Variants in PLCH1 observed in about 807,000 individuals in gnomAD.
The protein encoded by PLCH1 is 1-phosphatidylinositol 4,5-bisphosphate phosphodiesterase eta-1.
In PLCH1, 60 loss-of-function variants were observed where a neutral mutation model predicts 126.7. The ratio of observed to expected loss-of-function variants is 0.47; its 90% CI spans 0.38 to 0.59. PLCH1 has a LOEUF of 0.59. PLCH1 is among the 20% of genes least tolerant of loss of function. PLCH1 has a pLI of 0.00. For synonymous variants in PLCH1, 719 were observed against 734.9 expected, an observed-to-expected ratio of 0.98 and a Z score of 0.35; for missense variants, 1,723 against 2,040.0, an observed-to-expected ratio of 0.84 and a Z score of 2.99.
At chr3:155,663,832 T>A (rs1742442636) in intron 2 of PLCH1, among the ~76,000 whole-genome samples, 1 of 152,144 alleles carries the variant, frequency 6.6e-6, no homozygotes, top group African/African-American at 2.4e-5. Flanking sequence ...AATTTGCCAA[T>A]CATTAGAGGA....
intron 2 of PLCH1, among the ~76,000 whole-genome samples, chr3:155,672,957 G>C (rs143327494): frequency 6.7e-6 from 1 of 149,950 alleles, no homozygotes; most frequent in Non-Finnish European, 1.5e-5. Context: ...AGCCTCACCC[G>C]TTCCACCATC....
intron 8 of PLCH1, among the ~76,000 whole-genome samples, chr3:155,559,411 T>A (rs569705358): frequency 6.6e-6 from 1 of 152,260 alleles, no homozygotes; most frequent in East Asian, 1.9e-4. Flanking sequence ...TGACAACCAC[T>A]ATTTCCAATA....
intron 6 of PLCH1, among the ~76,000 whole-genome samples, chr3:155,574,358 T>A (rs964914241): frequency 6.6e-6 from 1 of 152,230 alleles, no homozygotes; most frequent in Non-Finnish European, 1.5e-5. Context: ...CCTCTTTTCC[T>A]CTTTTCAGGA....
rs558948092 is a variant in PLCH1, at chr3:155,644,891, C to T, written c.80-48513G>A. 3.3e-5 allele frequency among the ~76,000 whole-genome samples: 5 copies of T among 152,276 alleles called. No homozygotes were observed. In the South Asian group the frequency reaches 8.3e-4, roughly 25 times the overall value. On this transcript the variant is annotated intron_variant, in intron 2 of 22. Transcript: ENST00000460012. Reference sequence around the variant, plus strand: ...CAGTGACATTCAGCCAGTAGAACTCCTGTAAATGTTCCTGTCTGAATAAAG... The same window carrying T: ...CAGTGACATTCAGCCAGTAGAACTCTTGTAAATGTTCCTGTCTGAATAAAG...
chr3:155,567,439 G>A lies in PLCH1; in HGVS notation c.865+792C>T, dbSNP rs114663385. Among the ~76,000 whole-genome samples the A allele has an allele frequency of 5.6e-3, 850 of 152,158 alleles. 8 individuals are homozygous for A. Among genetic ancestry groups the A allele is most frequent in the African/African-American group, 0.019 (799 of 41,502 alleles). On this transcript the variant is annotated intron_variant, in intron 7 of 22. Transcript: ENST00000460012. Reference sequence around the variant, plus strand: ...TACCACCACAGGAAGTAAATAGATGGTATTAAACCCCCCTTGTTCACACTG... The same window carrying A: ...TACCACCACAGGAAGTAAATAGATGATATTAAACCCCCCTTGTTCACACTG...
intron 2 of PLCH1, among the ~76,000 whole-genome samples, chr3:155,600,079 T>C (rs1473969528): frequency 2.0e-5 from 3 of 152,206 alleles, no homozygotes; most frequent in Non-Finnish European, 4.4e-5. Context: ...TAGAGGTAAA[T>C]TGAAAAATCA....
At chr3:155,530,249 T>C (rs1361570665) in intron 10 of PLCH1, among the ~76,000 whole-genome samples, 2 of 152,188 alleles carry the variant, frequency 1.3e-5, no homozygotes, top group Non-Finnish European at 2.9e-5. Context: ...AAGAACCCAC[T>C]TGCTTTGCTT....
chr3:155,710,049 G>C (rs577901400), intron 1 of PLCH1, among the ~76,000 whole-genome samples: 1 of 152,132 alleles, frequency 6.6e-6, no homozygotes, highest in African/African-American at 2.4e-5. Context: ...GTGCACTAGT[G>C]CCATCTTGGC....
At chr3:155,567,975 T>C (rs936048789) in intron 7 of PLCH1, among the ~76,000 whole-genome samples, 38 of 152,324 alleles carry the variant, frequency 2.5e-4, no homozygotes, top group Non-Finnish European at 5.0e-4. Context: ...TGTCATGGCA[T>C]CCATCACACG....
At chr3:155,655,663 T>C (rs1046034107) in intron 2 of PLCH1, among the ~76,000 whole-genome samples, 2 of 151,942 alleles carry the variant, frequency 1.3e-5, no homozygotes. Flanking sequence ...ATATAAGTGA[T>C]AAAATAAACA....
chr3:155,532,243 A>C (rs1298612144), intron 10 of PLCH1, among the ~76,000 whole-genome samples: 1 of 152,222 alleles, frequency 6.6e-6, no homozygotes, highest in Non-Finnish European at 1.5e-5. Context: ...CGCATCGTGA[A>C]CTTGTGCTAC....
intron 1 of PLCH1, among the ~76,000 whole-genome samples, chr3:155,724,729 C>A (rs1379620070): frequency 6.6e-6 from 1 of 151,292 alleles, no homozygotes; most frequent in African/African-American, 2.4e-5. Flanking sequence ...AGCATTTAGG[C>A]CATTTACATT....
At chr3:155,676,737 C>A (rs1744124719) in intron 2 of PLCH1, among the ~76,000 whole-genome samples, 1 of 152,028 alleles carries the variant, frequency 6.6e-6, no homozygotes, top group Admixed American at 6.6e-5. Context: ...TATTCACACA[C>A]AAACATAGCA....
intron 2 of PLCH1, among the ~76,000 whole-genome samples, chr3:155,623,295 A>G (rs978234641): frequency 1.3e-5 from 2 of 152,370 alleles, no homozygotes; most frequent in African/African-American, 4.8e-5. Flanking sequence ...TGCCTACAAG[A>G]GAAAGCAAGA....
intron 2 of PLCH1, among the ~76,000 whole-genome samples, chr3:155,690,463 G>C (rs781232572): frequency 1.3e-5 from 2 of 152,160 alleles, no homozygotes; most frequent in African/African-American, 2.4e-5. Flanking sequence ...CCCTTAATCA[G>C]AGGGCTCCCC....
At chr3:155,744,029 G>GTTATTGCTT (rs1167379622) in intron 1 of PLCH1, among the ~76,000 whole-genome samples, 1 of 151,956 alleles carries the variant, frequency 6.6e-6, no homozygotes, top group East Asian at 1.9e-4. Flanking sequence ...AATTTAGTTG[G>GTTATTGCTT]TTATTGCTTT....
intron 6 of PLCH1, among the ~76,000 whole-genome samples, chr3:155,576,147 A>T (rs1442883818): frequency 6.6e-6 from 1 of 152,186 alleles, no homozygotes; most frequent in East Asian, 1.9e-4. Flanking sequence ...ACTCAGCTCC[A>T]GTGCCAAGAA....
chr3:155,497,220 T>A lies in PLCH1; in HGVS notation c.1894+100A>T, dbSNP rs969875158. On this transcript the variant is annotated intron_variant, in intron 15 of 22. Transcript: ENST00000460012. ...ATTGGTTTCTACATAGTCCCAAAAATGTGTGTTGATAATGGGATTAACAAA... is the reference window on the plus strand; with the variant it reads ...ATTGGTTTCTACATAGTCCCAAAAAAGTGTGTTGATAATGGGATTAACAAA... The A allele has an allele frequency of 1.6e-5, 13 of 814,922 alleles. No homozygotes were observed. The South Asian group carries it at 2.1e-4, about 13-fold the overall frequency. 50.5% of individuals were successfully genotyped at this position (814,922 alleles called of 1,614,324 possible).
chr3:155,455,220 C>T (rs1712411197), intron 21 of PLCH1, among the ~76,000 whole-genome samples: 1 of 152,102 alleles, frequency 6.6e-6, no homozygotes, highest in Non-Finnish European at 1.5e-5. Context: ...GGAGCCGACC[C>T]TGGGATGCAG....
Sources: gnomAD v4.1 joint callset for allele counts (sites outside exome capture counted in the v4.1 genomes callset) on GRCh38, gnomAD v4.1.1 for gene constraint, MANE v1.5 for transcripts, NCBI Gene and HGNC (gene_info 2026-07-23, HGNC 2026-07-21) for gene names.